The following TTC27 variants were observed in gnomAD, a reference collection of about 807,000 sequenced individuals.
TTC27 encodes tetratricopeptide repeat domain 27.
A neutral mutation model predicts 115.9 loss-of-function variants in TTC27; 79 were observed. That is an observed-to-expected ratio of 0.68 (90% CI 0.57 to 0.82). The LOEUF (loss-of-function observed/expected upper bound fraction) is 0.82, where lower values mean the gene tolerates loss of function less well. Ranked by LOEUF, TTC27 falls within the 40% of genes least tolerant of loss-of-function variation. TTC27 has a pLI of 0.00. For synonymous variants in TTC27, 401 were observed against 356.0 expected, an observed-to-expected ratio of 1.13 and a Z score of -1.42; for missense variants, 1,054 against 993.1, an observed-to-expected ratio of 1.06 and a Z score of -0.82.
intron 5 of TTC27, among the ~76,000 whole-genome samples, chr2:32,661,697 A>G (rs888277033): frequency 6.6e-6 from 1 of 152,212 alleles, no homozygotes; most frequent in African/African-American, 2.4e-5. Flanking sequence ...TAAATATACG[A>G]TAATGTCATG....
chr2:32,669,703 G>T (rs1206371745), intron 7 of TTC27, among the ~76,000 whole-genome samples: 4 of 151,886 alleles, frequency 2.6e-5, no homozygotes, highest in African/African-American at 9.7e-5. Context: ...TGGCCAACAT[G>T]CCGAAACCCC....
At position 32,650,161 on chromosome 2, in the gene TTC27, A is replaced by G. The variant is rs113269508; in HGVS notation, c.568A>G (p.Asn190Asp). The G allele has an allele frequency of 6.2e-7, 1 of 1,613,858 alleles. No individual in the cohort carries two copies. Among genetic ancestry groups the G allele is most frequent in the Non-Finnish European group, 8.5e-7 (1 of 1,179,860 alleles). Residue 190 changes from asparagine to aspartate, a missense_variant, in exon 5 of 20, where the codon AAT becomes GAT. By Grantham distance (23) the Asn-to-Asp change is conservative. Transcript: ENST00000317907. The stretch of plus-strand genomic sequence containing the variant: ...GCCATGGTGGACTTTGAGATGTGTG[A>G]ATATTCATCAGCATTTGCTTGAGGA... ...SLPWWTLRCV[N>D]IHQHLLEERS...
At position 32,666,296 on chromosome 2, in the gene TTC27, G is replaced by A. The variant is rs556174493; in HGVS notation, c.806-339G>A. Among the ~76,000 whole-genome samples the A allele has an allele frequency of 4.6e-5, 7 of 151,122 alleles. No individual in the cohort carries two copies. The South Asian group carries it at 1.5e-3, about 32-fold the overall frequency. ...AATGACTGTATTCTTTAGAACTTTT[G>A]TTTCTGTCATCTGTGAAAAAGAGAT... On this transcript the variant is annotated intron_variant, in intron 6 of 19. Transcript: ENST00000317907.
intron 12 of TTC27, among the ~76,000 whole-genome samples, chr2:32,741,958 A>G (rs191733244): frequency 2.0e-5 from 3 of 152,334 alleles, no homozygotes; most frequent in Non-Finnish European, 4.4e-5. Context: ...CAAACCTTAA[A>G]GAATTTTGAT....
intron 5 of TTC27, among the ~76,000 whole-genome samples, chr2:32,654,364 G>T (rs918201883): frequency 1.3e-5 from 2 of 151,814 alleles, no homozygotes; most frequent in Non-Finnish European, 2.9e-5. Flanking sequence ...AGCCAAAGAT[G>T]GTATAGTAGT....
intron 7 of TTC27, 66 bp from the exon 8 acceptor site, chr2:32,672,206 A>C: frequency 2.6e-6 from 3 of 1,140,946 alleles, no homozygotes; most frequent in South Asian, 1.3e-5. Flanking sequence ...AATCTATTAC[A>C]TGCCATTCTG....
chr2:32,657,837 T>A (rs1665385007), intron 5 of TTC27, among the ~76,000 whole-genome samples: 1 of 152,230 alleles, frequency 6.6e-6, no homozygotes, highest in South Asian at 2.1e-4. Context: ...AAAAAAAAAT[T>A]TTTTTTTGAG....
intron 10 of TTC27, among the ~76,000 whole-genome samples, chr2:32,726,995 C>T (rs1046261188): frequency 3.3e-5 from 5 of 152,118 alleles, no homozygotes; most frequent in Non-Finnish European, 5.9e-5. Flanking sequence ...GTCACGAGAA[C>T]AGCACAGGAA....
intron 14 of TTC27, 69 bp downstream of exon 14, chr2:32,778,049 G>A (rs976898000): frequency 2.1e-6 from 3 of 1,445,560 alleles, no homozygotes; most frequent in Non-Finnish European, 1.9e-6. Flanking sequence ...TGTACTGTAT[G>A]GTTCAGAACA....
chr2:32,645,251 TA>T (rs1402584472), intron 4 of TTC27, among the ~76,000 whole-genome samples: 1 of 152,154 alleles, frequency 6.6e-6, no homozygotes, highest in African/African-American at 2.4e-5. Flanking sequence ...AGTGGTTGAG[TA>T]AAATGAGTCT....
At chr2:32,710,274 A>T (rs928342434) in intron 10 of TTC27, among the ~76,000 whole-genome samples, 5 of 152,138 alleles carry the variant, frequency 3.3e-5, no homozygotes, top group Non-Finnish European at 7.3e-5. Context: ...TCACTTATTG[A>T]TGAAGGACAT....
At chr2:32,771,708 G>C (rs1194229429) in intron 13 of TTC27, among the ~76,000 whole-genome samples, 1 of 152,080 alleles carries the variant, frequency 6.6e-6, no homozygotes, top group African/African-American at 2.4e-5. Context: ...GAAGGAGTTG[G>C]CAGTGCACAT....
chr2:32,814,927 T>A (rs1010654540), intron 18 of TTC27, among the ~76,000 whole-genome samples: 4 of 152,178 alleles, frequency 2.6e-5, no homozygotes, highest in African/African-American at 9.7e-5. Context: ...ATAACATTTT[T>A]AAAAATCTCC....
chr2:32,797,769 T>C (rs1482673447), intron 16 of TTC27, among the ~76,000 whole-genome samples: 1 of 152,216 alleles, frequency 6.6e-6, no homozygotes, highest in African/African-American at 2.4e-5. Flanking sequence ...AATTGGACTT[T>C]GTGAAAATTT....
At chr2:32,691,000 A>G (rs1666790537) in intron 9 of TTC27, among the ~76,000 whole-genome samples, 1 of 152,188 alleles carries the variant, frequency 6.6e-6, no homozygotes, top group Admixed American at 6.5e-5. Context: ...TGATTTATGT[A>G]TGGAAAAAGC....
chr2:32,696,702 A>G (rs529506576), intron 9 of TTC27, among the ~76,000 whole-genome samples: 166 of 152,312 alleles, frequency 1.1e-3, no homozygotes, highest in Middle Eastern at 3.4e-3. Context: ...TCTGACTTCA[A>G]TTCTTTCAGG....
At chr2:32,728,145 A>G (rs944346313) in intron 10 of TTC27, among the ~76,000 whole-genome samples, 4 of 146,188 alleles carry the variant, frequency 2.7e-5, no homozygotes, top group Non-Finnish European at 5.9e-5. Context: ...GGTTCACACC[A>G]TTCTCCTGCC....
chr2:32,787,814 A>C (rs1216611699), intron 16 of TTC27, among the ~76,000 whole-genome samples: 1 of 152,002 alleles, frequency 6.6e-6, no homozygotes, highest in Non-Finnish European at 1.5e-5. Flanking sequence ...GTCTCTAAAT[A>C]AATAAATAAA....
At chr2:32,796,127 A>G (rs1207959778) in intron 16 of TTC27, among the ~76,000 whole-genome samples, 1 of 152,262 alleles carries the variant, frequency 6.6e-6, no homozygotes, top group Non-Finnish European at 1.5e-5. Flanking sequence ...ATGCAAAGTC[A>G]GCACACAAAA....
Sources: allele counts gnomAD v4.1 joint callset (sites outside exome capture counted in the v4.1 genomes callset), GRCh38; gene constraint gnomAD v4.1.1; transcripts MANE v1.5; gene names NCBI Gene and HGNC (gene_info 2026-07-23, HGNC 2026-07-21).